CCDC148: variants seen among roughly 807,000 people sequenced by gnomAD.
CCDC148 encodes the protein coiled-coil domain containing 148.
Under a neutral mutation model 85.7 loss-of-function variants are expected in CCDC148, and 89 were observed. The observed-to-expected ratio is 1.04, with a 90% CI of 0.87 to 1.24. The LOEUF is 1.24. Ranked by LOEUF, CCDC148 falls within the 50% of genes most tolerant of loss-of-function variation. The probability of loss-of-function intolerance (pLI) is 0.00; values close to 1 mark genes in which losing one functional copy is unlikely to be tolerated. For missense variants in CCDC148, 692 were observed against 671.7 expected (o/e 1.03, Z -0.33); for synonymous variants, 230 against 213.9 (o/e 1.08, Z -0.66).
chr2:158,265,737 A>G (rs1242827088), intron 9 of CCDC148, among the ~76,000 whole-genome samples: 2 of 152,096 alleles, frequency 1.3e-5, no homozygotes, highest in African/African-American at 4.8e-5. Context: ...CCTTGGCTCC[A>G]GATCCAATTA....
chr2:158,283,077 T>G (rs1169424217), intron 9 of CCDC148, among the ~76,000 whole-genome samples: 1 of 152,216 alleles, frequency 6.6e-6, no homozygotes, highest in Non-Finnish European at 1.5e-5. Context: ...GCTAGCCATA[T>G]GTAGAAAGCT....
intron 9 of CCDC148, among the ~76,000 whole-genome samples, chr2:158,282,526 C>T (rs575780950): frequency 6.6e-6 from 1 of 152,156 alleles, no homozygotes; most frequent in Non-Finnish European, 1.5e-5. Context: ...CTCCCATTCA[C>T]AATTGCTTCA....
chr2:158,188,237 C>A (rs922837275), intron 11 of CCDC148, among the ~76,000 whole-genome samples: 2 of 151,910 alleles, frequency 1.3e-5, no homozygotes, highest in Admixed American at 6.6e-5. Flanking sequence ...AGGAGTTGGT[C>A]ATTTCAGCTA....
chr2:158,388,977 A>T (rs1264605424), intron 1 of CCDC148, among the ~76,000 whole-genome samples: 1 of 152,200 alleles, frequency 6.6e-6, no homozygotes, highest in East Asian at 1.9e-4. Flanking sequence ...AGATTCTGTG[A>T]TTCTTAGAGC....
At chr2:158,424,856 A>T (rs533711424) in intron 1 of CCDC148, 3 of 191,710 alleles carry the variant, frequency 1.6e-5, no homozygotes, top group East Asian at 1.5e-4. Flanking sequence ...ATACAAAAAC[A>T]AATAAAAGAA....
chr2:158,367,607 C>G (rs1684260190), intron 1 of CCDC148, among the ~76,000 whole-genome samples: 1 of 152,114 alleles, frequency 6.6e-6, no homozygotes, highest in Non-Finnish European at 1.5e-5. Flanking sequence ...TTCTCACCAT[C>G]TCTATGTACT....
chr2:158,179,103 C>A, intron 11 of CCDC148, 107 bp from the exon 12 acceptor site: 2 of 533,978 alleles, frequency 3.7e-6, no homozygotes, highest in Non-Finnish European at 6.2e-6. Context: ...ACAGCACTGT[C>A]ACATTTTTTT....
chr2:158,407,387 A>C (rs930968553), intron 1 of CCDC148, among the ~76,000 whole-genome samples: 2 of 152,132 alleles, frequency 1.3e-5, no homozygotes, highest in Non-Finnish European at 2.9e-5. Context: ...ATTAGGAGTC[A>C]CCCTATCTCA....
At chr2:158,367,632 T>C (rs569549069) in intron 1 of CCDC148, among the ~76,000 whole-genome samples, 4 of 152,298 alleles carry the variant, frequency 2.6e-5, no homozygotes, top group African/African-American at 9.6e-5. Context: ...ATTTTAATTA[T>C]GGCCATAAGA....
At chr2:158,319,667 T>C (rs542270749) in intron 7 of CCDC148, among the ~76,000 whole-genome samples, 4 of 152,332 alleles carry the variant, frequency 2.6e-5, no homozygotes, top group African/African-American at 7.2e-5. Flanking sequence ...TATTCTCTTA[T>C]AGCTAAAGAT....
Position 158,344,917 on chromosome 2 carries a change from C to T in CCDC148, c.251+298G>A, listed in dbSNP as rs573690336. The stretch of plus-strand genomic sequence containing the variant: ...AAACATGTATCCAAAACATTATAAT[C>T]CAATATGCTAAGTATGATACAAGTA... On this transcript the variant is annotated intron_variant, in intron 3 of 13. Coordinates refer to ENST00000283233, the MANE Select transcript of CCDC148 (RefSeq NM_138803.4). Among the ~76,000 whole-genome samples the T allele has an allele frequency of 1.1e-4, 16 of 152,090 alleles. No homozygotes were observed. In the South Asian group the frequency reaches 3.1e-3, roughly 30 times the overall value.
chr2:158,363,152 T>G (rs540031442), intron 1 of CCDC148, among the ~76,000 whole-genome samples: 8 of 152,172 alleles, frequency 5.3e-5, no homozygotes, highest in Non-Finnish European at 1.0e-4. Flanking sequence ...CAATAACAAG[T>G]TCTGAAATTG....
intron 1 of CCDC148, among the ~76,000 whole-genome samples, chr2:158,366,480 G>C (rs1684209293): frequency 6.6e-6 from 1 of 152,192 alleles, no homozygotes; most frequent in South Asian, 2.1e-4. Flanking sequence ...GCACCAGCCA[G>C]ATCAAAGGAC....
intron 11 of CCDC148, among the ~76,000 whole-genome samples, chr2:158,186,620 T>C (rs1685167944): frequency 6.6e-6 from 1 of 152,108 alleles, no homozygotes; most frequent in South Asian, 2.1e-4. Context: ...GGGATGTATC[T>C]CTCAACTCTG....
Position 158,431,338 on chromosome 2 carries a change from T to C in CCDC148, c.25+25077A>G, listed in dbSNP as rs139252621. Among the ~76,000 whole-genome samples the C allele has an allele frequency of 5.7e-3, 871 of 151,692 alleles. 9 individuals are homozygous for C. The highest frequency in any genetic ancestry group is 0.02 in the African/African-American group (829 of 41,430). On this transcript the variant is annotated intron_variant, in intron 1 of 13. Transcript: ENST00000283233. ...ATAAAAAAATCTTAAAAACTTCTAG[T>C]GATGGGGTCGAGAAGGGAGACATTC...
intron 2 of CCDC148, among the ~76,000 whole-genome samples, chr2:158,350,445 A>G (rs1305692286): frequency 2.0e-5 from 3 of 152,160 alleles, no homozygotes; most frequent in Non-Finnish European, 4.4e-5. Context: ...GGGTGTAGAG[A>G]ATACATTTGT....
intron 7 of CCDC148, among the ~76,000 whole-genome samples, chr2:158,337,435 G>A (rs1682445996): frequency 6.6e-6 from 1 of 152,198 alleles, no homozygotes; most frequent in African/African-American, 2.4e-5. Flanking sequence ...AGATTGGGAT[G>A]GGGAGTGGGA....
At chr2:158,228,701 C>T (rs1167350114) in intron 10 of CCDC148, among the ~76,000 whole-genome samples, 10 of 150,862 alleles carry the variant, frequency 6.6e-5, no homozygotes, top group South Asian at 2.1e-4. Flanking sequence ...AGCAATCTAT[C>T]GCAAGGACAA....
chr2:158,351,235 A>G (rs1053698837), intron 2 of CCDC148, among the ~76,000 whole-genome samples: 2 of 152,262 alleles, frequency 1.3e-5, no homozygotes, highest in Non-Finnish European at 2.9e-5. Context: ...CCATAGCCCA[A>G]GATGGCCGAA....
Sources: gnomAD v4.1 joint callset for allele counts (sites outside exome capture counted in the v4.1 genomes callset) on GRCh38, gnomAD v4.1.1 for gene constraint, MANE v1.5 for transcripts, NCBI Gene and HGNC (gene_info 2026-07-23, HGNC 2026-07-21) for gene names.